MKX: variants seen among roughly 807,000 people sequenced by gnomAD.
MKX encodes the protein mohawk homeobox, also known as homeobox protein Mohawk.
A neutral mutation model predicts 36.0 loss-of-function variants in MKX; 13 were observed. The ratio of observed to expected loss-of-function variants is 0.36; its 90% CI spans 0.24 to 0.57. MKX has a LOEUF of 0.57. Ranked by LOEUF, MKX falls within the 20% of genes least tolerant of loss-of-function variation. MKX has a pLI of 0.79. For missense variants in MKX, 458 were observed against 456.4 expected, an observed-to-expected ratio of 1.00 and a Z score of -0.03; for synonymous variants, 176 against 178.3, an observed-to-expected ratio of 0.99 and a Z score of 0.10.
intron 3 of MKX, 66 bp from the exon 4 acceptor site, chr10:27,735,440 C>T: frequency 3.6e-6 from 5 of 1,385,704 alleles, no homozygotes; most frequent in Non-Finnish European, 5.0e-6. Flanking sequence ...ATTATTTTCT[C>T]ATAAAGGAGC....
Position 27,697,856 on chromosome 10 carries a change from T to C in MKX, c.839-22302A>G, listed in dbSNP as rs76548406. The stretch of plus-strand genomic sequence containing the variant: ...AGCAATGGCAGGGATAAGGAGGCAG[T>C]GGTCATGAAAATTGCTCTAAAGAAG... On this transcript the variant is annotated intron_variant, in intron 5 of 6. Coordinates refer to ENST00000419761, the MANE Select transcript of MKX (RefSeq NM_173576.3). Among the ~76,000 whole-genome samples the C allele has an allele frequency of 1.8e-3, 281 of 152,230 alleles. 2 individuals carry two copies. The highest frequency in any genetic ancestry group is 7.5e-3 in the South Asian group (36 of 4,820).
intron 5 of MKX, among the ~76,000 whole-genome samples, chr10:27,698,770 A>C (rs1836600726): frequency 6.6e-6 from 1 of 152,184 alleles, no homozygotes; most frequent in African/African-American, 2.4e-5. Context: ...ATTACTTAGC[A>C]ACATATTTGG....
At chr10:27,702,422 C>T (rs1218435728) in intron 5 of MKX, among the ~76,000 whole-genome samples, 1 of 152,154 alleles carries the variant, frequency 6.6e-6, no homozygotes, top group Non-Finnish European at 1.5e-5. Flanking sequence ...AGTGAAGCCA[C>T]TTGCTGGTGG....
chr10:27,735,366 AT>A lies in MKX; in HGVS notation c.356del (p.Asn119IlefsTer19), dbSNP rs766976774. 6.2e-7 allele frequency: 1 copy of A among 1,611,354 alleles called. No individual in the cohort carries two copies. Among genetic ancestry groups the A allele is most frequent in the East Asian group, 2.2e-5 (1 of 44,852 alleles). On this transcript the variant is annotated frameshift_variant, in exon 4 of 7. Transcript: ENST00000419761. LOFTEE classifies it high-confidence loss of function. Reference sequence around the variant, plus strand: ...GCCGACGTCTTGCATTAGCAAACCAATTTGACACCTAAAACAGTATTATTTT... The same window carrying A: ...GCCGACGTCTTGCATTAGCAAACCAATTGACACCTAAAACAGTATTATTTT... ...GSQMTLVQVS[N>X]WFANARRRLK...
chr10:27,679,097 T>G (rs997382333), intron 5 of MKX, among the ~76,000 whole-genome samples: 3 of 151,516 alleles, frequency 2.0e-5, no homozygotes, highest in Non-Finnish European at 4.4e-5. Flanking sequence ...AAAATCATCT[T>G]ACATCACACA....
chr10:27,692,321 C>A (rs759258759), intron 5 of MKX, among the ~76,000 whole-genome samples: 22 of 152,108 alleles, frequency 1.4e-4, no homozygotes, highest in Admixed American at 1.3e-4. Flanking sequence ...CCAGTTCTTA[C>A]AATTTTTGCT....
intron 5 of MKX, among the ~76,000 whole-genome samples, chr10:27,695,037 G>T (rs1836529608): frequency 6.6e-6 from 1 of 152,044 alleles, no homozygotes; most frequent in Admixed American, 6.6e-5. Flanking sequence ...TTGCATTCAA[G>T]GGCAGAATGG....
intron 3 of MKX, among the ~76,000 whole-genome samples, chr10:27,740,100 G>A (rs1443659275): frequency 6.6e-6 from 1 of 152,152 alleles, no homozygotes; most frequent in African/African-American, 2.4e-5. Context: ...ATTATATTCT[G>A]AAAATAAGCA....
At chr10:27,715,631 A>G (rs1836950301) in intron 5 of MKX, among the ~76,000 whole-genome samples, 1 of 152,194 alleles carries the variant, frequency 6.6e-6, no homozygotes, top group Non-Finnish European at 1.5e-5. Flanking sequence ...ATGGGGTATT[A>G]TGAGGCTTGA....
chr10:27,715,751 T>C lies in MKX; in HGVS notation c.838+18705A>G, dbSNP rs946209549. On this transcript the variant is annotated intron_variant, in intron 5 of 6. Coordinates refer to ENST00000419761, the MANE Select transcript of MKX (RefSeq NM_173576.3). ...AGCTATTTTGATGGTGCTCCTTTCA[T>C]ACTTTACTGACGTCAGCTGCCTGAG... Among the ~76,000 whole-genome samples the C allele has an allele frequency of 2.0e-5, 3 of 152,172 alleles. No individual in the cohort carries two copies. In the East Asian group the frequency reaches 5.8e-4, roughly 29 times the overall value.
rs1589695108 is a variant in MKX at position 27,735,239 on chromosome 10, C to T, written c.484G>A (p.Asp162Asn). The T allele has an allele frequency of 6.3e-7, 1 of 1,595,926 alleles. No homozygotes were observed. Among genetic ancestry groups the T allele is most frequent in the East Asian group, 2.3e-5 (1 of 44,078 alleles). The change falls in exon 4 of 7, where the codon GAT (aspartate) becomes AAT (asparagine). Residue 162 changes from aspartate (D) to asparagine (N), a missense_variant. Asp to Asn is a conservative substitution (Grantham distance 23, BLOSUM62 1). This residue lies in a region of MKX where 297 missense variants were observed against 304.4 expected (regional missense o/e 0.98). Transcript: ENST00000419761. Reference protein sequence around the residue: ...GNAERLSVSSDDSCSEDGENP... With the variant: ...GNAERLSVSSNDSCSEDGENP... ...AACAAACCTTCAGAACATGAGTCAT[C>T]ACTGCTTACGCTAAGCCGTTCAGCA...
In MKX at chr10:27,696,880, G is replaced by A. The variant is rs116893283; in HGVS notation, c.839-21326C>T. 6.2e-3 allele frequency among the ~76,000 whole-genome samples: 945 copies of A among 152,250 alleles called. 17 individuals are homozygous for A. The East Asian group carries it at 0.064, about 10-fold the overall frequency. On this transcript the variant is annotated intron_variant, in intron 5 of 6. Transcript: ENST00000419761. ...AAGAGTATGGCATTTGAATGTAGGTGACACCTTTGGAAATTCCCAATTTTT... is the reference window on the plus strand; with the variant it reads ...AAGAGTATGGCATTTGAATGTAGGTAACACCTTTGGAAATTCCCAATTTTT...
chr10:27,738,213 G>T (rs544218198), intron 3 of MKX, among the ~76,000 whole-genome samples: 4 of 151,976 alleles, frequency 2.6e-5, no homozygotes, highest in African/African-American at 9.6e-5. Context: ...TGTTTTTTCA[G>T]TACAACTTAA....
intron 3 of MKX, among the ~76,000 whole-genome samples, chr10:27,739,147 G>C (rs1564367957): frequency 6.6e-6 from 1 of 151,974 alleles, no homozygotes; most frequent in African/African-American, 2.4e-5. Context: ...TCCATATCCT[G>C]CAATAATACA....
chr10:27,743,436 C>G lies in MKX; in HGVS notation c.-21G>C. 1 of 1,519,068 alleles carries G rather than the reference C, an allele frequency of 6.6e-7. No homozygotes were observed. Among genetic ancestry groups the G allele is most frequent in the South Asian group, 1.3e-5 (1 of 78,172 alleles). The allele number at this position is 1,519,068 out of a possible 1,614,324, so 94.1% of individuals were successfully genotyped here. A position where few individuals can be genotyped will look rare whatever the true frequency, so the allele number is the denominator to read the frequency against. On this transcript the variant is annotated 5_prime_UTR_variant, in exon 2 of 7. Transcript: ENST00000419761. ...TTCATGGTGTCGGTTGGTAGGGACGCGCGGCGCGGCCGCAGAGCCTCGGGG... is the reference window on the plus strand; with the variant it reads ...TTCATGGTGTCGGTTGGTAGGGACGGGCGGCGCGGCCGCAGAGCCTCGGGG...
intron 5 of MKX, among the ~76,000 whole-genome samples, chr10:27,681,747 C>T (rs1475054585): frequency 6.6e-6 from 1 of 151,956 alleles, no homozygotes; most frequent in African/African-American, 2.4e-5. Context: ...TGGTGAAACC[C>T]TGTCTCTACT....
At chr10:27,737,357 AT>A (rs1344568280) in intron 3 of MKX, among the ~76,000 whole-genome samples, 1 of 152,124 alleles carries the variant, frequency 6.6e-6, no homozygotes, top group African/African-American at 2.4e-5. Context: ...CACCATTTTG[AT>A]TTAGTCACTT....
chr10:27,675,421 G>A lies in MKX; in HGVS notation c.873-6C>T, dbSNP rs369035926. 19 of 1,614,146 alleles carry A rather than the reference G, an allele frequency of 1.2e-5. No homozygotes were observed. The highest frequency in any genetic ancestry group is 1.4e-5 in the Non-Finnish European group (16 of 1,180,040). On this transcript the variant is annotated splice_region_variant and splice_polypyrimidine_tract_variant and intron_variant, in intron 6 of 6. Transcript: ENST00000419761. ...GTCCTTTTCTGTTAGCTGCGCTGGA[G>A]TTAAGCAAAACAGAAAGTAAACGAT... is the stretch of plus-strand genomic sequence containing the variant.
intron 5 of MKX, among the ~76,000 whole-genome samples, chr10:27,699,709 A>G (rs753363495): frequency 6.6e-6 from 1 of 152,196 alleles, no homozygotes; most frequent in Admixed American, 6.5e-5. Context: ...GCTCCCTAAC[A>G]TGGGATTAAC....
Sources: allele counts gnomAD v4.1 joint callset (sites outside exome capture counted in the v4.1 genomes callset), GRCh38; gene constraint gnomAD v4.1.1; regional missense constraint gnomAD v4.1.1; transcripts MANE v1.5; gene names NCBI Gene and HGNC (gene_info 2026-07-23, HGNC 2026-07-21).